Variants in SH2D4A observed in about 807,000 individuals in gnomAD.
SH2D4A encodes the protein SH2 domain containing 4A.
Under a neutral mutation model 64.7 loss-of-function variants are expected in SH2D4A, and 70 were observed. The ratio of observed to expected loss-of-function variants is 1.08; its 90% CI spans 0.89 to 1.32. The LOEUF (loss-of-function observed/expected upper bound fraction) is 1.32, where lower values mean the gene tolerates loss of function less well. SH2D4A is among the 40% of genes most tolerant of loss of function. The pLI, the probability that SH2D4A is intolerant of heterozygous loss-of-function variation, is 0.00. For synonymous variants in SH2D4A, 268 were observed against 200.7 expected (o/e 1.34, Z -2.83); for missense variants, 706 against 540.1 (o/e 1.31, Z -3.04).
chr8:19,382,942 T>G (rs2053322744), intron 8 of SH2D4A, among the ~76,000 whole-genome samples: 1 of 148,340 alleles, frequency 6.7e-6, no homozygotes, highest in Non-Finnish European at 1.5e-5. Context: ...GCAATTCTCC[T>G]GCCTCAGCCC....
intron 3 of SH2D4A, 87 bp from the exon 4 acceptor site, chr8:19,334,599 A>G: frequency 7.0e-7 from 1 of 1,424,120 alleles, no homozygotes; most frequent in Non-Finnish European, 9.5e-7. Context: ...ACTGTTTTTC[A>G]CATAATTTGA....
intron 4 of SH2D4A, among the ~76,000 whole-genome samples, chr8:19,354,878 T>A (rs1420647882): frequency 6.6e-6 from 1 of 152,050 alleles, no homozygotes; most frequent in African/African-American, 2.4e-5. Context: ...CAACTAAGAG[T>A]GTGTTTTAAA....
intron 1 of SH2D4A, among the ~76,000 whole-genome samples, chr8:19,315,339 TTG>T (rs2052069738): frequency 6.6e-6 from 1 of 152,194 alleles, no homozygotes; most frequent in Non-Finnish European, 1.5e-5. Context: ...TTTTGCCATG[TTG>T]CCCAAGCAGG....
At chr8:19,384,274 G>C (rs1384535649) in intron 8 of SH2D4A, among the ~76,000 whole-genome samples, 1 of 152,198 alleles carries the variant, frequency 6.6e-6, no homozygotes, top group Non-Finnish European at 1.5e-5. Flanking sequence ...AAGTTTGCCA[G>C]GACATTGCAG....
intron 5 of SH2D4A, among the ~76,000 whole-genome samples, chr8:19,360,344 G>A (rs532964135): frequency 9.9e-5 from 15 of 150,958 alleles, no homozygotes; most frequent in African/African-American, 3.4e-4. Context: ...GCAGGGTGTG[G>A]TGGCTCATGC....
Position 19,395,815 on chromosome 8 carries a change from T to C in SH2D4A, c.*1173T>C, listed in dbSNP as rs967345846. The C allele has an allele frequency of 1.3e-5, 2 of 152,184 alleles. No individual in the cohort carries two copies. The highest frequency in any genetic ancestry group is 2.9e-5 in the Non-Finnish European group (2 of 68,052). 9.4% of individuals were successfully genotyped at this position (152,184 alleles called of 1,614,324 possible). A position where few individuals can be genotyped will look rare whatever the true frequency, so the allele number is the denominator to read the frequency against. ...ATGTCTGTTGTTTTAAGCTGCTTAGTTCATGCTGAGTTCATGCTGACTTGT... is the reference window on the plus strand; with the variant it reads ...ATGTCTGTTGTTTTAAGCTGCTTAGCTCATGCTGAGTTCATGCTGACTTGT... On this transcript the variant is annotated 3_prime_UTR_variant, in exon 10 of 10. Transcript: ENST00000265807.
intron 2 of SH2D4A, among the ~76,000 whole-genome samples, chr8:19,332,439 G>T (rs1433028948): frequency 6.6e-6 from 1 of 152,122 alleles, no homozygotes; most frequent in Non-Finnish European, 1.5e-5. Flanking sequence ...TTCAAGACCA[G>T]CCTGGCCAAG....
At chr8:19,381,226 T>G (rs1281241790) in intron 8 of SH2D4A, among the ~76,000 whole-genome samples, 1 of 152,098 alleles carries the variant, frequency 6.6e-6, no homozygotes, top group Admixed American at 6.6e-5. Flanking sequence ...ATTTTTGTAT[T>G]TTTAGTAGAG....
intron 2 of SH2D4A, among the ~76,000 whole-genome samples, chr8:19,328,141 C>G (rs2052311857): frequency 6.6e-6 from 1 of 152,018 alleles, no homozygotes; most frequent in Non-Finnish European, 1.5e-5. Context: ...AATAAAGCAC[C>G]TGCTTTTCCA....
At chr8:19,318,325 T>C (rs957774483) in intron 1 of SH2D4A, among the ~76,000 whole-genome samples, 5 of 152,254 alleles carry the variant, frequency 3.3e-5, no homozygotes, top group Admixed American at 1.3e-4. Context: ...TTACATAGTT[T>C]CCTGCTGATT....
intron 4 of SH2D4A, among the ~76,000 whole-genome samples, chr8:19,336,573 G>A (rs1202617927): frequency 1.3e-5 from 2 of 152,146 alleles, no homozygotes; most frequent in African/African-American, 4.8e-5. Context: ...TTATGCAGCT[G>A]AGTGTGTTTG....
At chr8:19,326,722 C>T (rs1233339676) in intron 2 of SH2D4A, among the ~76,000 whole-genome samples, 3 of 152,072 alleles carry the variant, frequency 2.0e-5, no homozygotes, top group African/African-American at 7.2e-5. Context: ...CCCTCTCGCA[C>T]ACACGTCTTT....
chr8:19,334,181 G>A (rs1364076124), intron 3 of SH2D4A, among the ~76,000 whole-genome samples: 1 of 152,126 alleles, frequency 6.6e-6, no homozygotes, highest in Non-Finnish European at 1.5e-5. Flanking sequence ...GGACAGACAT[G>A]AGGACCACCG....
At position 19,319,336 on chromosome 8, in the gene SH2D4A, C is replaced by G. The variant is rs2052144716; in HGVS notation, c.-204-8C>G. ...CGCTGCCTGAATGTGGGCTCTTTCT[C>G]TCTGCAGGTTCAGTGAACAGCATTT... On this transcript the variant is annotated splice_polypyrimidine_tract_variant and splice_region_variant and intron_variant, in intron 1 of 9. Coordinates refer to ENST00000265807, the MANE Select transcript of SH2D4A (RefSeq NM_022071.4). 2 of 1,210,638 alleles carry G rather than the reference C, an allele frequency of 1.7e-6. No individual in the cohort carries two copies. Among genetic ancestry groups the G allele is most frequent in the Non-Finnish European group, 2.1e-6 (2 of 974,254 alleles). 75.0% of individuals were successfully genotyped at this position (1,210,638 alleles called of 1,614,324 possible).
intron 8 of SH2D4A, among the ~76,000 whole-genome samples, chr8:19,379,150 A>T (rs2053248262): frequency 6.6e-6 from 1 of 151,828 alleles, no homozygotes; most frequent in Admixed American, 6.6e-5. Context: ...TGTAAAACTG[A>T]AACTACCCAT....
intron 8 of SH2D4A, among the ~76,000 whole-genome samples, chr8:19,382,778 G>C (rs1236468719): frequency 1.4e-5 from 2 of 146,846 alleles, no homozygotes; most frequent in Non-Finnish European, 3.0e-5. Context: ...CTTTGTATGT[G>C]ATGAGTTGCT....
At chr8:19,313,890 A>G in intron 1 of SH2D4A, 67 bp downstream of exon 1, 1 of 1,370,782 alleles carries the variant, frequency 7.3e-7, no homozygotes, top group Non-Finnish European at 9.4e-7. Flanking sequence ...GGGGAAGGGA[A>G]TTTCCTCGGA....
intron 2 of SH2D4A, among the ~76,000 whole-genome samples, chr8:19,322,953 G>T (rs938771754): frequency 1.3e-5 from 2 of 152,130 alleles, no homozygotes; most frequent in Admixed American, 6.5e-5. Flanking sequence ...GGGATTACAC[G>T]CATGACCCAC....
chr8:19,350,302 G>C (rs571438207), intron 4 of SH2D4A, among the ~76,000 whole-genome samples: 1 of 152,176 alleles, frequency 6.6e-6, no homozygotes, highest in Non-Finnish European at 1.5e-5. Flanking sequence ...CTGCATCACT[G>C]CATTTTTCAA....
Sources: allele counts gnomAD v4.1 joint callset (sites outside exome capture counted in the v4.1 genomes callset), GRCh38; gene constraint gnomAD v4.1.1; transcripts MANE v1.5; gene names NCBI Gene and HGNC (gene_info 2026-07-23, HGNC 2026-07-21).